The following PLXNA2 variants were observed in gnomAD, a reference collection of about 807,000 sequenced individuals.
PLXNA2 encodes the protein plexin A2.
Under a neutral mutation model 193.5 loss-of-function variants are expected in PLXNA2, and 91 were observed. The observed-to-expected ratio is 0.47, with a 90% CI of 0.40 to 0.56. The LOEUF is 0.56. Among genes scored for constraint, PLXNA2 ranks in the 20% least tolerant of loss-of-function variants. PLXNA2 has a pLI of 0.00. For synonymous variants in PLXNA2, 997 were observed against 1,027.3 expected (o/e 0.97, Z 0.56); for missense variants, 1,995 against 2,503.2 (o/e 0.80, Z 4.33).
chr1:208,240,060 G>C (rs957072576), intron 1 of PLXNA2, among the ~76,000 whole-genome samples: 2 of 152,232 alleles, frequency 1.3e-5, no homozygotes, highest in Non-Finnish European at 2.9e-5. Context: ...ACCAACTGTA[G>C]AAGCAGAGAA....
At chr1:208,178,477 T>G (rs1024495162) in intron 3 of PLXNA2, among the ~76,000 whole-genome samples, 3 of 152,168 alleles carry the variant, frequency 2.0e-5, no homozygotes, top group Admixed American at 2.0e-4. Context: ...CAGCACCCCC[T>G]TGAGGAAGGC....
At chr1:208,207,506 A>G (rs1029036566) in intron 3 of PLXNA2, among the ~76,000 whole-genome samples, 2 of 152,192 alleles carry the variant, frequency 1.3e-5, no homozygotes, top group Non-Finnish European at 2.9e-5. Context: ...CTAAACTTAC[A>G]TACACAGGGA....
chr1:208,023,109 G>T lies in PLXNA2; in HGVS notation c.*4134C>A, dbSNP rs1267379052. 1.3e-5 allele frequency: 2 copies of T among 152,170 alleles called. No homozygotes were observed. Among genetic ancestry groups the T allele is most frequent in the African/African-American group, 2.4e-5 (1 of 41,432 alleles). 9.4% of individuals were successfully genotyped at this position (152,170 alleles called of 1,614,324 possible). A position where few individuals can be genotyped will look rare whatever the true frequency, so the allele number is the denominator to read the frequency against. On this transcript the variant is annotated 3_prime_UTR_variant, in exon 32 of 32. Transcript: ENST00000367033. ...TGTTCCTGAGACAAGGCGTCGGAAGGCCCTGAAGTTCATCTCCCAAGTTCC... is the reference window on the plus strand; with the variant it reads ...TGTTCCTGAGACAAGGCGTCGGAAGTCCCTGAAGTTCATCTCCCAAGTTCC...
In PLXNA2 at chr1:208,177,726, T is replaced by G. The variant is rs146957094; in HGVS notation, c.1371+32554A>C. ...GGCTGTAGAACTAGATAAGTGGTTC[T>G]CAACCGTGGTCCCCAGAGCAGCAGC... On this transcript the variant is annotated intron_variant, in intron 3 of 31. Transcript: ENST00000367033. Among the ~76,000 whole-genome samples the G allele has an allele frequency of 7.7e-3, 1,180 of 152,366 alleles. 6 individuals carry two copies. Among genetic ancestry groups the G allele is most frequent in the Admixed American group, 0.014 (218 of 15,300 alleles).
chr1:208,036,066 G>A (rs544656726), intron 26 of PLXNA2, among the ~76,000 whole-genome samples: 44 of 152,336 alleles, frequency 2.9e-4, no homozygotes, highest in African/African-American at 1.1e-3. Context: ...TCCTGTGCCT[G>A]GAAGGTGCCA....
intron 9 of PLXNA2, among the ~76,000 whole-genome samples, chr1:208,088,592 A>G (rs2498026): frequency 1 from 152,314 of 152,384 alleles, 76,122 homozygotes; most frequent in Middle Eastern, 1. Flanking sequence ...GCCTGATCTG[A>G]CTCAGGGAGG....
intron 3 of PLXNA2, among the ~76,000 whole-genome samples, chr1:208,166,209 G>A (rs1669302299): frequency 6.6e-6 from 1 of 152,184 alleles, no homozygotes; most frequent in African/African-American, 2.4e-5. Context: ...ACTAGTGATG[G>A]GAGTTCCATT....
At chr1:208,176,275 T>A (rs1669658022) in intron 3 of PLXNA2, among the ~76,000 whole-genome samples, 1 of 152,178 alleles carries the variant, frequency 6.6e-6, no homozygotes, top group South Asian at 2.1e-4. Flanking sequence ...ATTCATTTCA[T>A]TTCCACGGGC....
intron 29 of PLXNA2, 184 bp downstream of exon 29, chr1:208,031,406 C>T (rs769701117): frequency 7.2e-5 from 98 of 1,358,182 alleles, no homozygotes; most frequent in Non-Finnish European, 9.0e-5. Flanking sequence ...CCACTTGGCA[C>T]AGGCAGCTGG....
At chr1:208,039,425 G>A (rs12079512) in intron 24 of PLXNA2, among the ~76,000 whole-genome samples, 196 bp downstream of exon 24, 4,911 of 151,300 alleles carry the variant, frequency 0.032, 252 homozygotes, top group African/African-American at 0.11. Context: ...AGGATAAACC[G>A]AGGCATAGAG....
intron 3 of PLXNA2, among the ~76,000 whole-genome samples, chr1:208,203,837 C>T (rs1040749840): frequency 5.3e-5 from 8 of 152,186 alleles, no homozygotes; most frequent in East Asian, 3.8e-4. Context: ...AAAAGAACCA[C>T]GGAAACGTAT....
At chr1:208,094,776 C>T (rs1166278740) in intron 8 of PLXNA2, among the ~76,000 whole-genome samples, 1 of 152,210 alleles carries the variant, frequency 6.6e-6, no homozygotes, top group Non-Finnish European at 1.5e-5. Flanking sequence ...ATTTATTTGT[C>T]CCAATGGGGC....
chr1:208,088,255 C>T (rs1262230008), intron 9 of PLXNA2, among the ~76,000 whole-genome samples: 1 of 152,200 alleles, frequency 6.6e-6, no homozygotes, highest in Non-Finnish European at 1.5e-5. Flanking sequence ...TTTAGGAGCC[C>T]TATGAGTCTT....
chr1:208,143,591 G>T (rs948350327), intron 3 of PLXNA2, among the ~76,000 whole-genome samples: 1 of 152,126 alleles, frequency 6.6e-6, no homozygotes, highest in African/African-American at 2.4e-5. Flanking sequence ...TAGTTTTCTA[G>T]TAGCTGACTC....
chr1:208,045,473 G>C (rs1665029601), intron 18 of PLXNA2, among the ~76,000 whole-genome samples: 1 of 152,142 alleles, frequency 6.6e-6, no homozygotes, highest in Admixed American at 6.5e-5. Context: ...AGAAAATTTT[G>C]GGGGAGGATG....
intron 3 of PLXNA2, among the ~76,000 whole-genome samples, chr1:208,180,578 C>T (rs189203931): frequency 2.3e-4 from 35 of 152,308 alleles, no homozygotes; most frequent in Non-Finnish European, 3.8e-4. Flanking sequence ...ACACCCTCTG[C>T]ATCTGCTTTA....
chr1:208,219,954 G>A (rs1671269293), intron 1 of PLXNA2, among the ~76,000 whole-genome samples: 1 of 152,234 alleles, frequency 6.6e-6, no homozygotes, highest in African/African-American at 2.4e-5. Flanking sequence ...CCGGTAGCAG[G>A]ACGTGAATTC....
intron 4 of PLXNA2, among the ~76,000 whole-genome samples, chr1:208,108,391 C>A (rs1667343613): frequency 6.6e-6 from 1 of 152,134 alleles, no homozygotes; most frequent in Non-Finnish European, 1.5e-5. Context: ...TGGACAGAGC[C>A]CCTGGGCAGT....
chr1:208,077,141 C>T (rs1173767190), intron 12 of PLXNA2, among the ~76,000 whole-genome samples: 1 of 152,032 alleles, frequency 6.6e-6, no homozygotes, highest in Admixed American at 6.5e-5. Context: ...CTCCCTCCCC[C>T]ATGTCCTGTT....
Sources: allele counts gnomAD v4.1 joint callset (sites outside exome capture counted in the v4.1 genomes callset), GRCh38; gene constraint gnomAD v4.1.1; transcripts MANE v1.5; gene names NCBI Gene and HGNC (gene_info 2026-07-23, HGNC 2026-07-21).